GRIK4: variants seen among roughly 807,000 people sequenced by gnomAD.
The protein encoded by GRIK4 is glutamate ionotropic receptor kainate type subunit 4, also known as glutamate receptor ionotropic, kainate 4.
GRIK4 carries 40 observed loss-of-function variants against 104.9 expected under a neutral mutation model. The observed-to-expected ratio is 0.38, with a 90% CI of 0.30 to 0.50. The LOEUF (loss-of-function observed/expected upper bound fraction) is 0.50, where lower values mean the gene tolerates loss of function less well. GRIK4 is among the 20% of genes least tolerant of loss of function. The pLI, the probability that GRIK4 is intolerant of heterozygous loss-of-function variation, is 0.93. For missense variants in GRIK4, 1,047 were observed against 1,308.1 expected, an observed-to-expected ratio of 0.80 and a Z score of 3.08; for synonymous variants, 485 against 524.9, an observed-to-expected ratio of 0.92 and a Z score of 1.04.
intron 1 of GRIK4, among the ~76,000 whole-genome samples, chr11:120,600,460 T>C (rs376203564): frequency 3.9e-5 from 6 of 152,244 alleles, no homozygotes; most frequent in African/African-American, 1.4e-4. Flanking sequence ...CTCAGGGAAA[T>C]GGGGTTCCTG....
At chr11:120,561,228 G>T (rs1348646571) in intron 1 of GRIK4, among the ~76,000 whole-genome samples, 1 of 151,888 alleles carries the variant, frequency 6.6e-6, no homozygotes, top group Non-Finnish European at 1.5e-5. Context: ...GGGTTTAGCG[G>T]CAGCCAGGGG....
At chr11:120,710,997 T>TG (rs139734821) in intron 3 of GRIK4, among the ~76,000 whole-genome samples, 2,102 of 124,886 alleles carry the variant, frequency 0.017, 260 homozygotes, top group African/African-American at 0.072. Flanking sequence ...CCCTGTGAGG[T>TG]GGGGAGGGGG....
At position 120,588,297 on chromosome 11, in the gene GRIK4, G is replaced by A. The variant is rs540123062; in HGVS notation, c.-158-65388G>A. 1.7e-4 allele frequency among the ~76,000 whole-genome samples: 26 copies of A among 152,278 alleles called. No homozygotes were observed. In the South Asian group the frequency reaches 4.1e-3, roughly 24 times the overall value. On this transcript the variant is annotated intron_variant, in intron 1 of 20. Transcript: ENST00000527524. ...TCTTGGAGTATGGTGTTCTTGAAGT[G>A]GGAGTTTTAGGAAGAGGTGATCATC...
intron 1 of GRIK4, among the ~76,000 whole-genome samples, chr11:120,554,212 T>A (rs1256158236): frequency 2.0e-5 from 3 of 152,130 alleles, no homozygotes; most frequent in Non-Finnish European, 2.9e-5. Flanking sequence ...AGCAAAAATA[T>A]CTGTTAAGTC....
chr11:120,589,687 C>A (rs114450655), intron 1 of GRIK4, among the ~76,000 whole-genome samples: 169 of 152,274 alleles, frequency 1.1e-3, no homozygotes, highest in African/African-American at 3.8e-3. Flanking sequence ...TAACCCTCCC[C>A]GAACCCTCAG....
intron 8 of GRIK4, among the ~76,000 whole-genome samples, chr11:120,843,264 C>T (rs889755934): frequency 7.9e-5 from 12 of 152,370 alleles, no homozygotes; most frequent in Admixed American, 5.9e-4. Context: ...TCCCTGCTCT[C>T]GGCACCGCCG....
intron 3 of GRIK4, among the ~76,000 whole-genome samples, chr11:120,670,383 A>C (rs114697881): frequency 0.022 from 3,372 of 152,346 alleles, 114 homozygotes; most frequent in African/African-American, 0.076. Context: ...TAAAAGATGA[A>C]GTCCTCACAG....
chr11:120,830,149 C>T (rs890312301), intron 6 of GRIK4, among the ~76,000 whole-genome samples: 4 of 151,568 alleles, frequency 2.6e-5, no homozygotes, highest in African/African-American at 7.3e-5. Flanking sequence ...AGGCCAGTCC[C>T]TTGGGCTCCA....
intron 3 of GRIK4, among the ~76,000 whole-genome samples, chr11:120,696,519 T>A (rs1950451563): frequency 9.9e-6 from 1 of 100,828 alleles, no homozygotes; most frequent in African/African-American, 3.9e-5. Context: ...GAAGCTTAAA[T>A]CTGGGGGGGC....
chr11:120,761,083 A>ATT (rs1951741084), intron 3 of GRIK4, among the ~76,000 whole-genome samples: 1 of 152,082 alleles, frequency 6.6e-6, no homozygotes, highest in African/African-American at 2.4e-5. Context: ...AAACGTTCCT[A>ATT]TTTCTCCACA....
intron 1 of GRIK4, among the ~76,000 whole-genome samples, chr11:120,586,378 A>G (rs1401623325): frequency 6.6e-6 from 1 of 152,080 alleles, no homozygotes; most frequent in African/African-American, 2.4e-5. Context: ...GGGGAGGAGG[A>G]CAGGCGATGA....
At chr11:120,562,538 G>A (rs905019171) in intron 1 of GRIK4, among the ~76,000 whole-genome samples, 2 of 152,200 alleles carry the variant, frequency 1.3e-5, no homozygotes, top group Non-Finnish European at 2.9e-5. Context: ...TTGTGAGGCT[G>A]GTGGGGGCTG....
At chr11:120,516,850 CAG>C (rs1043842635) in intron 1 of GRIK4, among the ~76,000 whole-genome samples, 1 of 152,074 alleles carries the variant, frequency 6.6e-6, no homozygotes, top group Non-Finnish European at 1.5e-5. Flanking sequence ...GGAAAGCTGA[CAG>C]TGCGTGCCTG....
chr11:120,631,041 G>A (rs927439307), intron 1 of GRIK4, among the ~76,000 whole-genome samples: 3 of 152,214 alleles, frequency 2.0e-5, no homozygotes. Flanking sequence ...CTCAGCCTCA[G>A]TTCTCTCATA....
intron 14 of GRIK4, among the ~76,000 whole-genome samples, chr11:120,949,187 G>GGGTTTAAT (rs1486483646): frequency 6.6e-6 from 1 of 152,118 alleles, no homozygotes; most frequent in African/African-American, 2.4e-5. Context: ...CATGAAAGGG[G>GGGTTTAAT]GGTTTAATGC....
intron 1 of GRIK4, among the ~76,000 whole-genome samples, chr11:120,599,144 G>A (rs981410749): frequency 3.3e-5 from 5 of 152,258 alleles, no homozygotes; most frequent in African/African-American, 1.2e-4. Context: ...TCACGAGGCT[G>A]TGCCAGACAG....
At chr11:120,650,056 G>A (rs2135216708) in intron 1 of GRIK4, among the ~76,000 whole-genome samples, 1 of 152,284 alleles carries the variant, frequency 6.6e-6, no homozygotes, top group East Asian at 1.9e-4. Context: ...AGCCAGTCCT[G>A]CCCTTCCCAT....
intron 12 of GRIK4, among the ~76,000 whole-genome samples, chr11:120,900,664 A>C (rs1187497332): frequency 6.6e-6 from 1 of 152,110 alleles, no homozygotes; most frequent in African/African-American, 2.4e-5. Context: ...GGCCTCTCCG[A>C]GAAAGGGAGC....
chr11:120,672,560 C>G (rs767392112), intron 3 of GRIK4, among the ~76,000 whole-genome samples: 19 of 152,188 alleles, frequency 1.2e-4, no homozygotes, highest in Non-Finnish European at 2.4e-4. Flanking sequence ...TCTTCCTATC[C>G]ATGAGCATGG....
Sources: gnomAD v4.1 joint callset for allele counts (sites outside exome capture counted in the v4.1 genomes callset) on GRCh38, gnomAD v4.1.1 for gene constraint, MANE v1.5 for transcripts, NCBI Gene and HGNC (gene_info 2026-07-23, HGNC 2026-07-21) for gene names.